The following ARHGAP45 variants were observed in gnomAD, a reference collection of about 807,000 sequenced individuals.
The protein encoded by ARHGAP45 is rho GTPase-activating protein 45.
A neutral mutation model predicts 116.1 loss-of-function variants in ARHGAP45; 56 were observed. The observed-to-expected ratio is 0.48, with a 90% confidence interval of 0.39 to 0.60. The LOEUF (loss-of-function observed/expected upper bound fraction) is 0.60, where lower values mean the gene tolerates loss of function less well. ARHGAP45 is among the 20% of genes least tolerant of loss of function. The pLI is 0.00. For missense variants in ARHGAP45, 1,622 were observed against 1,601.0 expected, an observed-to-expected ratio of 1.01 and a Z score of -0.22; for synonymous variants, 866 against 701.7, an observed-to-expected ratio of 1.23 and a Z score of -3.70.
chr19:1,083,215 T>C lies in ARHGAP45; in HGVS notation c.2817T>C (p.Leu939=), dbSNP rs749531725. ...NLGIVFGPTL[L]RPRPTEATVS... is the part of the protein sequence containing the mutation. ...GCATCGTGTTCGGGCCCACGCTGCT[T>C]CGGCCACGGCCCACCGAGGCCACCG... Residue 939 remains leucine (L), a synonymous_variant, in exon 21 of 23, where the codon CTT becomes CTC. Coordinates refer to ENST00000313093, the MANE Select transcript of ARHGAP45 (RefSeq NM_012292.5). 1.2e-6 allele frequency: 2 copies of C among 1,610,318 alleles called. No homozygotes were observed. Among genetic ancestry groups the C allele is most frequent in the Non-Finnish European group, 1.7e-6 (2 of 1,178,960 alleles).
In ARHGAP45 at chr19:1,081,719, G is replaced by T. The variant is rs754395835; in HGVS notation, c.2360G>T (p.Arg787Leu). The T allele has an allele frequency of 6.4e-7, 1 of 1,571,778 alleles. No individual in the cohort carries two copies. The highest frequency in any genetic ancestry group is 1.1e-5 in the South Asian group (1 of 87,532). ...AAGAAGTGCGTCTGCGAGATCGAGC[G>T]GCGGGCGCTGCGCACCAAGGTGAGG... Reference protein sequence around the residue: ...IVKKCVCEIERRALRTKGIYR... With the variant: ...IVKKCVCEIELRALRTKGIYR... The change falls in exon 18 of 23, where the codon CGG (arginine) becomes CTG (leucine). Residue 787 changes from arginine to leucine, a missense_variant. This residue lies in a region of ARHGAP45 where 1,334 missense variants were observed against 1,263.8 expected (regional missense o/e 1.06). Transcript: ENST00000313093.
chr19:1,080,428 A>C, intron 14 of ARHGAP45, 36 bp from the exon 15 acceptor site: 1 of 1,611,510 alleles, frequency 6.2e-7, no homozygotes, highest in Non-Finnish European at 8.5e-7. Context: ...CCTGCGACCC[A>C]CCCTGGCCCT....
chr19:1,082,644 C>T (rs1472148921), intron 19 of ARHGAP45, 196 bp from the exon 20 acceptor site: 3 of 553,638 alleles, frequency 5.4e-6, no homozygotes, highest in Non-Finnish European at 9.4e-6. Context: ...AGTGGAGCTG[C>T]GGGCGTGGCC....
In ARHGAP45 at chr19:1,073,552, G is replaced by C; in HGVS notation, c.612G>C (p.Glu204Asp). The change falls in exon 4 of 23, where the codon GAG becomes GAC. Residue 204 changes from glutamate (E) to aspartate (D), a missense_variant. Physicochemically the swap from Glu to Asp is conservative, Grantham distance 45 (BLOSUM62 2). This residue lies in a region of ARHGAP45 where 279 missense variants were observed against 311.9 expected (regional missense o/e 0.89). Coordinates refer to ENST00000313093, the MANE Select transcript of ARHGAP45 (RefSeq NM_012292.5). Reference sequence around the variant, plus strand: ...ATGATCTGGAGAAACAGGAGTTCGAGAAGGCCCTGGAGACGATTGCTGTGG... The same window carrying C: ...ATGATCTGGAGAAACAGGAGTTCGACAAGGCCCTGGAGACGATTGCTGTGG... ...SNNDLEKQEF[E>D]KALETIAVAF... 6.2e-7 allele frequency: 1 copy of C among 1,614,054 alleles called. No homozygotes were observed. Among genetic ancestry groups the C allele is most frequent in the Non-Finnish European group, 8.5e-7 (1 of 1,180,006 alleles).
intron 21 of ARHGAP45, among the ~76,000 whole-genome samples, chr19:1,083,637 T>C (rs954657496): frequency 2.6e-5 from 4 of 152,194 alleles, no homozygotes; most frequent in Non-Finnish European, 4.4e-5. Flanking sequence ...CCTTCCCCGT[T>C]TCCCATCCCG....
intron 2 of ARHGAP45, among the ~76,000 whole-genome samples, chr19:1,072,464 AGGCT>A (rs2043158667): frequency 6.6e-6 from 1 of 152,088 alleles, no homozygotes; most frequent in African/African-American, 2.4e-5. Context: ...TGTATTGCCC[AGGCT>A]GGTCTTGAAT....
intron 11 of ARHGAP45, among the ~76,000 whole-genome samples, chr19:1,078,301 G>A (rs1043384367): frequency 6.0e-5 from 9 of 151,110 alleles, no homozygotes; most frequent in Admixed American, 1.3e-4. Context: ...CCGCCACCAC[G>A]CCTGGCTAAT....
Position 1,075,236 on chromosome 19 carries a change from C to CTTTTT in ARHGAP45, c.1185+370_1185+374dup, listed in dbSNP as rs551827897. 2.1e-3 allele frequency among the ~76,000 whole-genome samples: 280 copies of CTTTTT among 131,020 alleles called. 6 individuals are homozygous for CTTTTT. Among genetic ancestry groups the CTTTTT allele is most frequent in the Middle Eastern group, 8.8e-3 (2 of 228 alleles). The allele number at this position is 131,020 out of a possible 152,430, so 86.0% of individuals were successfully genotyped here. ...AAAGCGCCATGCTCCTGCATGTATTCTTTTTTTTTTTTTTTTTGATACGGA... is the reference window on the plus strand; with the variant it reads ...AAAGCGCCATGCTCCTGCATGTATTCTTTTTTTTTTTTTTTTTTTTTTGATACGGA... On this transcript the variant is annotated intron_variant, in intron 10 of 22. Coordinates refer to ENST00000313093, the MANE Select transcript of ARHGAP45 (RefSeq NM_012292.5).
chr19:1,073,735 G>A lies in ARHGAP45; in HGVS notation c.712G>A (p.Asp238Asn). Residue 238 changes from aspartate to asparagine, a missense_variant, in exon 5 of 23, where the codon GAC (aspartate) becomes AAC (asparagine). Physicochemically the swap from Asp to Asn is conservative, Grantham distance 23. Around this residue, in one of 3 missense-constraint regions of ARHGAP45, gnomAD observed 1,334 missense variants for 1,263.8 expected, o/e 1.06. Coordinates refer to ENST00000313093, the MANE Select transcript of ARHGAP45 (RefSeq NM_012292.5). ...SSTLLAVPPG[D>N]SSQSMESLYG... is the part of the protein sequence containing the mutation. The stretch of plus-strand genomic sequence containing the variant: ...CACCCTCCTAGCAGTGCCTCCTGGG[G>A]ACTCGAGCCAGGTGAGTGGGGTGGG... The A allele has an allele frequency of 6.3e-7, 1 of 1,593,148 alleles. No homozygotes were observed. Among genetic ancestry groups the A allele is most frequent in the Non-Finnish European group, 8.6e-7 (1 of 1,169,528 alleles).
chr19:1,076,483 C>CTTTTTTTTTTTTTTTTTT (rs71174343), intron 10 of ARHGAP45, among the ~76,000 whole-genome samples: 6 of 64,982 alleles, frequency 9.2e-5, no homozygotes, highest in African/African-American at 3.5e-4. Flanking sequence ...TGGCAGTAGT[C>CTTTTTTTTTTTTTTTTTT]TTTTTTTTTT....
chr19:1,068,521 C>G lies in ARHGAP45; in HGVS notation c.198C>G (p.Thr66=), dbSNP rs1476443110. The part of the protein sequence containing the change: ...VKATGTLKRP[T]SLSRHASAAG... Reference sequence around the variant, plus strand: ...CCACAGGGACCCTCAAGCGGCCCACCAGCCTGAGCCGCCACGCCAGCGCGG... The same window carrying G: ...CCACAGGGACCCTCAAGCGGCCCACGAGCCTGAGCCGCCACGCCAGCGCGG... The change falls in exon 2 of 23, where the codon ACC becomes ACG. Residue 66 remains threonine (T), a synonymous_variant. Coordinates refer to ENST00000313093, the MANE Select transcript of ARHGAP45 (RefSeq NM_012292.5). The surrounding 1 kb of genome is among the most constrained non-coding windows in gnomAD (Gnocchi z 7.5). 30 of 1,603,676 alleles carry G rather than the reference C, an allele frequency of 1.9e-5. No homozygotes were observed. Among genetic ancestry groups the G allele is most frequent in the Non-Finnish European group, 2.6e-5 (30 of 1,175,882 alleles).
chr19:1,067,049 G>C (rs2043045500), upstream of ARHGAP45: 1 of 482,484 alleles, frequency 2.1e-6, no homozygotes, highest in African/African-American at 2.1e-5. Flanking sequence ...GCCCGCCAGC[G>C]TCAGGCAGGG....
rs757910742 is a variant in ARHGAP45 at position 1,081,090 on chromosome 19, C to G, written c.2190+26C>G. ...GTGAGTGGGACGCCCCGACGGACAGCTGGGAGCCTTCGGGAGCCTTTGGGG... is the reference window on the plus strand; with the variant it reads ...GTGAGTGGGACGCCCCGACGGACAGGTGGGAGCCTTCGGGAGCCTTTGGGG... On this transcript the variant is annotated intron_variant, in intron 17 of 22. Coordinates refer to ENST00000313093, the MANE Select transcript of ARHGAP45 (RefSeq NM_012292.5). 5 of 1,584,648 alleles carry G rather than the reference C, an allele frequency of 3.2e-6. 1 individual carries two copies. In the South Asian group the frequency reaches 4.6e-5, roughly 15 times the overall value.
intron 6 of ARHGAP45, 28 bp from the exon 7 acceptor site, chr19:1,074,076 A>C: frequency 6.2e-7 from 1 of 1,608,246 alleles, no homozygotes; most frequent in Non-Finnish European, 8.5e-7. Flanking sequence ...GGGTCGGGCC[A>C]GGCTGAGCAG....
In ARHGAP45 at chr19:1,074,225, G is replaced by T. The variant is rs1357750644; in HGVS notation, c.912G>T (p.Glu304Asp). ...TGAAGGACCTCATCAGCTACCTGGAGAAGCGGACGACGCTGGGTGAGAGCT... is the reference window on the plus strand; with the variant it reads ...TGAAGGACCTCATCAGCTACCTGGATAAGCGGACGACGCTGGGTGAGAGCT... ...KYMKDLISYL[E>D]KRTTLEMEFA... The change falls in exon 7 of 23, where the codon GAG (glutamate) becomes GAT (aspartate). Residue 304 changes from glutamate to aspartate, a missense_variant. Physicochemically the swap from Glu to Asp is conservative, Grantham distance 45 (BLOSUM62 2). Coordinates refer to ENST00000313093, the MANE Select transcript of ARHGAP45 (RefSeq NM_012292.5). The T allele has an allele frequency of 6.2e-7, 1 of 1,613,258 alleles. No individual in the cohort carries two copies. The highest frequency in any genetic ancestry group is 1.7e-5 in the Admixed American group (1 of 60,008).
upstream of ARHGAP45, chr19:1,066,299 T>G: frequency 3.8e-6 from 3 of 781,460 alleles, no homozygotes; most frequent in East Asian, 2.9e-5. Context: ...TGGGGGAAGG[T>G]AGGAGGCTGG....
intron 22 of ARHGAP45, among the ~76,000 whole-genome samples, chr19:1,085,382 G>A (rs1216774408): frequency 6.6e-6 from 1 of 152,142 alleles, no homozygotes; most frequent in Non-Finnish European, 1.5e-5. Context: ...GGAGCTACAA[G>A]ATGAGGTTTG....
chr19:1,080,884 G>T lies in ARHGAP45; in HGVS notation c.2018-8G>T. ...CTTGGTGACACCGGCTGCCTGTGCT[G>T]CCCGCAGCTGACCTCAACGGCATGA... On this transcript the variant is annotated splice_polypyrimidine_tract_variant and splice_region_variant and intron_variant, in intron 16 of 22. Coordinates refer to ENST00000313093, the MANE Select transcript of ARHGAP45 (RefSeq NM_012292.5). 2.5e-6 allele frequency: 4 copies of T among 1,607,246 alleles called. No homozygotes were observed. Among genetic ancestry groups the T allele is most frequent in the Non-Finnish European group, 3.4e-6 (4 of 1,176,760 alleles).
At chr19:1,070,461 G>A (rs1349318569) in intron 2 of ARHGAP45, among the ~76,000 whole-genome samples, 1 of 150,014 alleles carries the variant, frequency 6.7e-6, no homozygotes, top group Non-Finnish European at 1.5e-5. Context: ...CTCCCGAGTG[G>A]CTGGGATTGC....
Sources: gnomAD v4.1 joint callset for allele counts (sites outside exome capture counted in the v4.1 genomes callset) on GRCh38, gnomAD v4.1.1 for gene constraint, gnomAD v4.1.1 regional missense constraint, Gnocchi (gnomAD v3.1) non-coding constraint, MANE v1.5 for transcripts, NCBI Gene and HGNC (gene_info 2026-07-23, HGNC 2026-07-21) for gene names.